Variants in KCNB2 observed in about 807,000 individuals in gnomAD.
KCNB2 encodes the protein potassium voltage-gated channel subfamily B member 2, also known as delayed rectifier potassium channel protein.
In KCNB2, 15 loss-of-function variants were observed where a neutral mutation model predicts 61.5. That is an observed-to-expected ratio of 0.24 (90% CI 0.16 to 0.38). The LOEUF is 0.38. KCNB2 is among the 10% of genes least tolerant of loss of function. KCNB2 has a pLI of 1.00. For synonymous variants in KCNB2, 457 were observed against 446.0 expected, an observed-to-expected ratio of 1.02 and a Z score of -0.31; for missense variants, 828 against 1,125.2, an observed-to-expected ratio of 0.74 and a Z score of 3.78.
chr8:72,718,772 C>G (rs1807494004), intron 2 of KCNB2, among the ~76,000 whole-genome samples: 3 of 151,926 alleles, frequency 2.0e-5, no homozygotes, highest in African/African-American at 4.8e-5. Context: ...ATGTAACAAA[C>G]CTGTACGTTG....
chr8:72,581,745 T>C, intron 2 of KCNB2, among the ~76,000 whole-genome samples: 1 of 152,244 alleles, frequency 6.6e-6, no homozygotes, highest in East Asian at 1.9e-4. Flanking sequence ...ACTCTCCATC[T>C]AAAATAGCAG....
chr8:72,717,349 C>T lies in KCNB2; in HGVS notation c.579+149036C>T, dbSNP rs1228424771. 7.9e-5 allele frequency among the ~76,000 whole-genome samples: 12 copies of T among 152,204 alleles called. No individual in the cohort carries two copies. In the South Asian group the frequency reaches 1.7e-3, roughly 21 times the overall value. On this transcript the variant is annotated intron_variant, in intron 2 of 2. Transcript: ENST00000523207. ...TACGGAACCAAAAAAGAGCTTGCAT[C>T]GCCAAGTCAATCCTAAGCCAAAAGA...
chr8:72,869,655 G>A (rs1303343478), intron 2 of KCNB2, among the ~76,000 whole-genome samples: 5 of 152,054 alleles, frequency 3.3e-5, no homozygotes, highest in Non-Finnish European at 7.4e-5. Context: ...ATGAAATATC[G>A]CTTCACACCT....
intron 2 of KCNB2, among the ~76,000 whole-genome samples, chr8:72,714,684 C>T (rs947817858): frequency 2.1e-4 from 32 of 152,160 alleles, no homozygotes; most frequent in African/African-American, 6.3e-4. Flanking sequence ...AAGGAACAAC[C>T]GGTACCAGCC....
intron 2 of KCNB2, among the ~76,000 whole-genome samples, chr8:72,889,416 G>A (rs565484989): frequency 2.0e-5 from 3 of 152,210 alleles, no homozygotes; most frequent in African/African-American, 4.8e-5. Flanking sequence ...AGCCACATGC[G>A]GTAGCTCATA....
intron 2 of KCNB2, among the ~76,000 whole-genome samples, chr8:72,681,783 A>C (rs747082467): frequency 6.6e-6 from 1 of 152,206 alleles, no homozygotes; most frequent in South Asian, 2.1e-4. Flanking sequence ...TTATGCTAGG[A>C]CATTGTAACT....
At chr8:72,774,705 T>A (rs1808617269) in intron 2 of KCNB2, among the ~76,000 whole-genome samples, 1 of 152,120 alleles carries the variant, frequency 6.6e-6, no homozygotes, top group Non-Finnish European at 1.5e-5. Context: ...AAAATTATAT[T>A]GATCAAAACA....
intron 2 of KCNB2, among the ~76,000 whole-genome samples, chr8:72,830,302 C>T (rs1241004380): frequency 6.7e-6 from 1 of 149,912 alleles, no homozygotes; most frequent in Non-Finnish European, 1.5e-5. Flanking sequence ...GAGACCTCAG[C>T]TTTTCTATCC....
intron 2 of KCNB2, among the ~76,000 whole-genome samples, chr8:72,786,955 T>G (rs1808854005): frequency 6.6e-6 from 1 of 152,152 alleles, no homozygotes; most frequent in African/African-American, 2.4e-5. Context: ...TGACAATAAA[T>G]CAATGCCTAG....
chr8:72,561,753 A>ATGTG (rs1563523509), intron 1 of KCNB2, among the ~76,000 whole-genome samples: 1 of 24,334 alleles, frequency 4.1e-5, no homozygotes, highest in Non-Finnish European at 6.1e-5. Flanking sequence ...ATATGTATAT[A>ATGTG]TATATATGGA....
intron 2 of KCNB2, among the ~76,000 whole-genome samples, chr8:72,760,119 G>A (rs1009336788): frequency 5.9e-5 from 9 of 152,206 alleles, no homozygotes; most frequent in Admixed American, 5.2e-4. Context: ...GAGACAAGTT[G>A]TTGTAAGGAC....
At chr8:72,924,907 T>C (rs143539050) in intron 2 of KCNB2, among the ~76,000 whole-genome samples, 2 of 152,244 alleles carry the variant, frequency 1.3e-5, no homozygotes, top group Non-Finnish European at 2.9e-5. Flanking sequence ...AGATATAAAG[T>C]GGATCACGCA....
intron 1 of KCNB2, among the ~76,000 whole-genome samples, chr8:72,546,519 A>AG: frequency 6.6e-6 from 1 of 150,864 alleles, no homozygotes; most frequent in Non-Finnish European, 1.5e-5. Context: ...TCTGTGTCAA[A>AG]AAAAAAAAAA....
At chr8:72,862,949 C>A (rs1193486417) in intron 2 of KCNB2, among the ~76,000 whole-genome samples, 1 of 152,156 alleles carries the variant, frequency 6.6e-6, no homozygotes, top group Non-Finnish European at 1.5e-5. Context: ...ATTAAGCCAC[C>A]CAACCAAAGT....
chr8:72,810,863 T>C (rs1809296224), intron 2 of KCNB2, among the ~76,000 whole-genome samples: 1 of 152,176 alleles, frequency 6.6e-6, no homozygotes, highest in African/African-American at 2.4e-5. Context: ...GGATGGACAT[T>C]CTTATCTAAA....
chr8:72,931,390 G>A (rs1467621333), intron 2 of KCNB2, among the ~76,000 whole-genome samples: 1 of 152,184 alleles, frequency 6.6e-6, no homozygotes, highest in African/African-American at 2.4e-5. Flanking sequence ...ACCTTGGGCA[G>A]TATGGCCATT....
chr8:72,820,301 A>G (rs2129001004), intron 2 of KCNB2, among the ~76,000 whole-genome samples: 1 of 152,360 alleles, frequency 6.6e-6, no homozygotes, highest in Non-Finnish European at 1.5e-5. Context: ...AAATAATTTT[A>G]TCATAAATAA....
intron 2 of KCNB2, among the ~76,000 whole-genome samples, chr8:72,684,133 A>T (rs1471472499): frequency 2.0e-5 from 3 of 152,186 alleles, no homozygotes; most frequent in Non-Finnish European, 4.4e-5. Flanking sequence ...TGGGTTCTAG[A>T]GATACTTATA....
rs1563523487 is a variant in KCNB2 at position 72,561,747 on chromosome 8, G to GTGTGTATA, written c.-93-5894_-93-5893insGTGTATAT. On this transcript the variant is annotated intron_variant, in intron 1 of 2. Transcript: ENST00000523207. The stretch of plus-strand genomic sequence containing the variant: ...TATATATCTATATCTATATATATAT[G>GTGTGTATA]TATATATATATATGGATATATATAT... Among the ~76,000 whole-genome samples, 68 of 16,032 alleles carry GTGTGTATA rather than the reference G, an allele frequency of 4.2e-3. 2 individuals are homozygous for GTGTGTATA. The highest frequency in any genetic ancestry group is 0.036 in the East Asian group (12 of 338). The allele number at this position is 16,032 out of a possible 152,430, so 10.5% of individuals were successfully genotyped here.
Sources: gnomAD v4.1 joint callset for allele counts (sites outside exome capture counted in the v4.1 genomes callset) on GRCh38, gnomAD v4.1.1 for gene constraint, MANE v1.5 for transcripts, NCBI Gene and HGNC (gene_info 2026-07-23, HGNC 2026-07-21) for gene names.